Variants in OPN5 observed in about 807,000 individuals in gnomAD.
OPN5 encodes opsin 5.
In OPN5, 18 loss-of-function variants were observed where a neutral mutation model predicts 41.7. The observed-to-expected ratio is 0.43, with a 90% CI of 0.30 to 0.64. The LOEUF (loss-of-function observed/expected upper bound fraction) is 0.64, where lower values mean the gene tolerates loss of function less well. Among genes scored for constraint, OPN5 ranks in the 30% least tolerant of loss-of-function variants. OPN5 has a pLI of 0.13. For missense variants in OPN5, 318 were observed against 434.5 expected (o/e 0.73, Z 2.38); for synonymous variants, 178 against 164.3 (o/e 1.08, Z -0.64).
intron 5 of OPN5, among the ~76,000 whole-genome samples, chr6:47,811,190 A>G (rs148036248): frequency 6.6e-6 from 1 of 152,248 alleles, no homozygotes; most frequent in East Asian, 1.9e-4. Flanking sequence ...GGGTTCGAAC[A>G]TTTGATTGGG....
At chr6:47,809,923 A>T (rs1774125116) in intron 5 of OPN5, among the ~76,000 whole-genome samples, 1 of 152,208 alleles carries the variant, frequency 6.6e-6, no homozygotes, top group South Asian at 2.1e-4. Context: ...GACAGGAATG[A>T]CTGCAAGCAA....
intron 6 of OPN5, among the ~76,000 whole-genome samples, chr6:47,817,401 A>G (rs1762462132): frequency 6.6e-6 from 1 of 152,138 alleles, no homozygotes; most frequent in Non-Finnish European, 1.5e-5. Flanking sequence ...TTCTGACTTT[A>G]AATACATAAA....
chr6:47,786,488 G>A lies in OPN5; in HGVS notation c.131-27G>A, dbSNP rs549712241. Reference sequence around the variant, plus strand: ...GTGAACTCGAAATCTTAGTTTTAACGATTGGAATTTTTATTTTTCCTTGTA... The same window carrying A: ...GTGAACTCGAAATCTTAGTTTTAACAATTGGAATTTTTATTTTTCCTTGTA... On this transcript the variant is annotated intron_variant, in intron 1 of 6. Transcript: ENST00000371211. 6.0e-5 allele frequency: 96 copies of A among 1,591,934 alleles called. No individual in the cohort carries two copies. In the South Asian group the frequency reaches 9.6e-4, roughly 16 times the overall value.
chr6:47,782,336 G>T, intron 1 of OPN5, 140 bp downstream of exon 1: 1 of 637,136 alleles, frequency 1.6e-6, no homozygotes, highest in Non-Finnish European at 2.7e-6. Context: ...AAGATGGAAT[G>T]GCATTATGGC....
intron 4 of OPN5, among the ~76,000 whole-genome samples, chr6:47,807,145 G>A (rs764460137): frequency 4.6e-5 from 7 of 152,062 alleles, no homozygotes; most frequent in Non-Finnish European, 7.4e-5. Flanking sequence ...CAACAAGAGC[G>A]AAACTTCATC....
intron 2 of OPN5, 121 bp from the exon 3 acceptor site, chr6:47,791,681 G>A (rs1773377304): frequency 2.8e-6 from 2 of 719,214 alleles, no homozygotes; most frequent in Non-Finnish European, 2.4e-6. Context: ...GTGTAATCAA[G>A]GGTGTGTGTG....
intron 6 of OPN5, among the ~76,000 whole-genome samples, chr6:47,821,123 C>G (rs946607815): frequency 2.6e-5 from 4 of 152,070 alleles, no homozygotes; most frequent in African/African-American, 7.2e-5. Context: ...CTTGCTGCAT[C>G]AGGGGTGGCA....
chr6:47,801,527 A>T (rs2113974354), intron 4 of OPN5, among the ~76,000 whole-genome samples: 1 of 152,300 alleles, frequency 6.6e-6, no homozygotes, highest in South Asian at 2.1e-4. Context: ...AGGGCAGTTC[A>T]TGGGAAAGTT....
intron 5 of OPN5, among the ~76,000 whole-genome samples, chr6:47,811,312 C>T (rs566437336): frequency 6.6e-6 from 1 of 152,094 alleles, no homozygotes; most frequent in African/African-American, 2.4e-5. Context: ...CTCCCCTGAC[C>T]ACCTTGGCTT....
chr6:47,786,516 G>T (rs370785358), exon 2 of OPN5: 24 of 1,608,150 alleles, frequency 1.5e-5, no homozygotes, highest in Non-Finnish European at 2.0e-5. Flanking sequence ...TCCTTGTAGG[G>T]ATTCTGTCCA....
intron 4 of OPN5, among the ~76,000 whole-genome samples, chr6:47,801,528 T>C (rs1773773135): frequency 6.6e-6 from 1 of 152,166 alleles, no homozygotes. Context: ...GGGCAGTTCA[T>C]GGGAAAGTTG....
chr6:47,822,027 G>T (rs1160438174), intron 6 of OPN5, among the ~76,000 whole-genome samples: 4 of 151,274 alleles, frequency 2.6e-5, no homozygotes, highest in African/African-American at 4.9e-5. Flanking sequence ...CAGGAGAATC[G>T]CTTGAACCCA....
intron 4 of OPN5, among the ~76,000 whole-genome samples, chr6:47,803,369 T>C (rs977462931): frequency 6.6e-6 from 1 of 152,166 alleles, no homozygotes; most frequent in Non-Finnish European, 1.5e-5. Context: ...TCTTTTAATA[T>C]TATTTTCTTA....
Position 47,806,865 on chromosome 6 carries a change from T to G in OPN5, c.757-1289T>G, listed in dbSNP as rs763731346. Among the ~76,000 whole-genome samples the G allele has an allele frequency of 1.3e-3, 201 of 152,232 alleles. 1 individual carries two copies. Among genetic ancestry groups the G allele is most frequent in the Non-Finnish European group, 1.9e-3 (131 of 68,014 alleles). Reference sequence around the variant, plus strand: ...CCAAGGTGCACGTCCTCTTTGTAACTCTCCTCAGTAGGCCAGGCGCGATGG... The same window carrying G: ...CCAAGGTGCACGTCCTCTTTGTAACGCTCCTCAGTAGGCCAGGCGCGATGG... On this transcript the variant is annotated intron_variant, in intron 4 of 6. Transcript: ENST00000371211.
chr6:47,807,764 A>G (rs1219018270), intron 4 of OPN5, among the ~76,000 whole-genome samples: 2 of 152,036 alleles, frequency 1.3e-5, no homozygotes, highest in East Asian at 3.8e-4. Context: ...AATATGGATG[A>G]TTTAAAATTT....
At chr6:47,800,143 A>T (rs963165701) in intron 4 of OPN5, among the ~76,000 whole-genome samples, 7 of 152,336 alleles carry the variant, frequency 4.6e-5, no homozygotes, top group African/African-American at 1.4e-4. Context: ...TCACTGCCTG[A>T]GGGGTCCTTC....
chr6:47,792,724 C>T (rs535235582), intron 3 of OPN5, among the ~76,000 whole-genome samples: 2 of 152,260 alleles, frequency 1.3e-5, no homozygotes, highest in African/African-American at 4.8e-5. Context: ...AACCAAGGAA[C>T]AGTACTGACT....
In OPN5 at chr6:47,821,389, T is replaced by C. The variant is rs534818451; in HGVS notation, c.1057-2594T>C. On this transcript the variant is annotated intron_variant, in intron 6 of 6. Coordinates refer to ENST00000371211, the Ensembl canonical transcript of OPN5. ...AAGGACATGAAGAGGCAATCCCCGA[T>C]GGAAGTTGGTCAGAAAAAAATTCTA... Among the ~76,000 whole-genome samples the C allele has an allele frequency of 2.0e-5, 3 of 152,308 alleles. No individual in the cohort carries two copies. In the South Asian group the frequency reaches 6.2e-4, roughly 32 times the overall value.
intron 4 of OPN5, among the ~76,000 whole-genome samples, chr6:47,805,573 G>A (rs1773927641): frequency 6.6e-6 from 1 of 151,922 alleles, no homozygotes; most frequent in East Asian, 1.9e-4. Flanking sequence ...GGTTCCTAGG[G>A]CCAACACACC....
Sources: gnomAD v4.1 joint callset for allele counts (sites outside exome capture counted in the v4.1 genomes callset) on GRCh38, gnomAD v4.1.1 for gene constraint, MANE v1.5 for transcripts, NCBI Gene and HGNC (gene_info 2026-07-23, HGNC 2026-07-21) for gene names.